PLPP2: variants seen among roughly 807,000 people sequenced by gnomAD.
The protein encoded by PLPP2 is phospholipid phosphatase 2, also known as PAP2-gamma.
A neutral mutation model predicts 35.2 loss-of-function variants in PLPP2; 29 were observed. That is an observed-to-expected ratio of 0.82 (90% CI 0.61 to 1.12). The LOEUF is 1.12. PLPP2 is among the 50% of genes most tolerant of loss of function. PLPP2 has a pLI of 0.00. For missense variants in PLPP2, 353 were observed against 375.2 expected (o/e 0.94, Z 0.49); for synonymous variants, 162 against 167.0 (o/e 0.97, Z 0.23).
In PLPP2 at chr19:287,007, T is replaced by A. The variant is rs1970280979; in HGVS notation, c.482+467A>T. 1 of 156,674 alleles carries A rather than the reference T, an allele frequency of 6.4e-6. No individual in the cohort carries two copies. The allele number at this position is 156,674 out of a possible 1,614,324, so 9.7% of individuals were successfully genotyped here. On this transcript the variant is annotated intron_variant, in intron 3 of 5. Transcript: ENST00000434325. This position sits in a 1 kb window ranked among gnomAD's most constrained non-coding sequence, Gnocchi z 4.3. ...ATACATTAAGAAACATGGCCCAATT[T>A]CATGCTAGGTATAAGACACTTACTT...
intron 3 of PLPP2, chr19:283,192 C>T (rs1420528816): frequency 5.5e-6 from 1 of 180,384 alleles, no homozygotes; most frequent in African/African-American, 2.4e-5. Context: ...TGAAGGACAT[C>T]AAGAAAATAG....
At position 291,096 on chromosome 19, in the gene PLPP2, G is replaced by T. The variant is rs1412751542; in HGVS notation, c.52+189C>A. On this transcript the variant is annotated intron_variant, in intron 1 of 5. Transcript: ENST00000434325. ...CTGGGCCTGGGACGCGGGGACCCCCGAGCCTGGGAGGGCGCGCGCAGTGCG... is the reference window on the plus strand; with the variant it reads ...CTGGGCCTGGGACGCGGGGACCCCCTAGCCTGGGAGGGCGCGCGCAGTGCG... The T allele has an allele frequency of 4.5e-6, 6 of 1,336,710 alleles. No homozygotes were observed. In the South Asian group the frequency reaches 5.8e-5, roughly 13 times the overall value. 82.8% of individuals were successfully genotyped at this position (1,336,710 alleles called of 1,614,324 possible).
chr19:281,600 T>A, intron 5 of PLPP2, 63 bp from the exon 6 acceptor site: 19 of 1,359,510 alleles, frequency 1.4e-5, no homozygotes, highest in Non-Finnish European at 1.8e-5. Flanking sequence ...GACATGGGCA[T>A]GAGCAGGAGG....
chr19:282,882 G>T lies in PLPP2; in HGVS notation c.483-73C>A, dbSNP rs565662258. The T allele has an allele frequency of 4.9e-6, 7 of 1,424,362 alleles. No homozygotes were observed. The East Asian group carries it at 1.6e-4, about 33-fold the overall frequency. The allele number at this position is 1,424,362 out of a possible 1,614,324, so 88.2% of individuals were successfully genotyped here. Reference sequence around the variant, plus strand: ...CCCCCTTGTCCCCGCCCCGCCCACAGAAGGGAGGGCTCGACACGGAGGCTG... The same window carrying T: ...CCCCCTTGTCCCCGCCCCGCCCACATAAGGGAGGGCTCGACACGGAGGCTG... On this transcript the variant is annotated intron_variant, in intron 3 of 5. Coordinates refer to ENST00000434325, the MANE Select transcript of PLPP2 (RefSeq NM_003712.4).
intron 1 of PLPP2, among the ~76,000 whole-genome samples, chr19:289,512 G>A (rs868188539): frequency 6.6e-5 from 10 of 151,750 alleles, no homozygotes; most frequent in Middle Eastern, 6.8e-3. Flanking sequence ...TCAGGAGATC[G>A]AGACCATCCT....
chr19:288,113 G>A lies in PLPP2; in HGVS notation c.111C>T (p.Tyr37=), dbSNP rs558063234. Residue 37 remains tyrosine (Y), a synonymous_variant, in exon 2 of 6, where the codon TAC becomes TAT. Transcript: ENST00000434325. The part of the protein sequence containing the change: ...LVNAPYKRGF[Y]CGDDSIRYPY... ...GGTACCGGATGGAGTCATCCCCGCA[G>A]TAAAATCCTCGCTTGTACGGGGCGT... The A allele has an allele frequency of 5.0e-6, 8 of 1,612,992 alleles. No individual in the cohort carries two copies. In the South Asian group the frequency reaches 6.6e-5, roughly 13 times the overall value.
At chr19:289,556 A>C (rs922688767) in intron 1 of PLPP2, among the ~76,000 whole-genome samples, 1 of 152,050 alleles carries the variant, frequency 6.6e-6, no homozygotes, top group Non-Finnish European at 1.5e-5. Context: ...TCTACTAAAA[A>C]TACAAAAATT....
chr19:290,656 G>A (rs1410440257), intron 1 of PLPP2, among the ~76,000 whole-genome samples: 2 of 152,196 alleles, frequency 1.3e-5, no homozygotes, highest in Admixed American at 6.5e-5. Context: ...CGCCAGTGTG[G>A]CCCGCAAACC....
At chr19:283,079 G>A in intron 3 of PLPP2, 1 of 430,316 alleles carries the variant, frequency 2.3e-6, no homozygotes, top group Non-Finnish European at 4.1e-6. Flanking sequence ...TGTCTGGCAA[G>A]CAGGCAACAC....
In PLPP2 at chr19:281,328, A is replaced by G; in HGVS notation, c.*60T>C. The stretch of plus-strand genomic sequence containing the variant: ...TCAGTGCCTAACCAGGGCTGGAGGG[A>G]CCACCTGGGTGGGCCTCAGCTGGAC... On this transcript the variant is annotated 3_prime_UTR_variant, in exon 6 of 6. Transcript: ENST00000434325. 1 of 1,331,300 alleles carries G rather than the reference A, an allele frequency of 7.5e-7. No homozygotes were observed. Among genetic ancestry groups the G allele is most frequent in the South Asian group, 2.4e-5 (1 of 41,354 alleles). The allele number at this position is 1,331,300 out of a possible 1,614,324, so 82.5% of individuals were successfully genotyped here. A position where few individuals can be genotyped will look rare whatever the true frequency, so the allele number is the denominator to read the frequency against.
chr19:284,646 T>A (rs976118272), intron 3 of PLPP2: 1 of 152,132 alleles, frequency 6.6e-6, no homozygotes, highest in Non-Finnish European at 1.5e-5. Flanking sequence ...AAATACTATG[T>A]TCAAAGAGCC....
In PLPP2 at chr19:287,893, G is replaced by T; in HGVS notation, c.204+127C>A. 6.6e-7 allele frequency: 1 copy of T among 1,509,986 alleles called. No homozygotes were observed. The highest frequency in any genetic ancestry group is 8.9e-7 in the Non-Finnish European group (1 of 1,117,812). The allele number at this position is 1,509,986 out of a possible 1,614,324, so 93.5% of individuals were successfully genotyped here. ...TACCCACAGGTACCACTCAGGGCAAGGCTGTGTCCCCCGGCCCCACACAGA... is the reference window on the plus strand; with the variant it reads ...TACCCACAGGTACCACTCAGGGCAATGCTGTGTCCCCCGGCCCCACACAGA... On this transcript the variant is annotated intron_variant, in intron 2 of 5. Coordinates refer to ENST00000434325, the MANE Select transcript of PLPP2 (RefSeq NM_003712.4). This position sits in a 1 kb window ranked among gnomAD's most constrained non-coding sequence, Gnocchi z 4.3.
Position 282,187 on chromosome 19 carries a change from A to C in PLPP2, c.664T>G (p.Trp222Gly), listed in dbSNP as rs1001186568. Reference protein sequence around the residue: ...YTRVSDYKHHWSDVLVGLLQG... With the variant: ...YTRVSDYKHHGSDVLVGLLQG... ...AGGAGGCCAACAAGGACATCGCTCC[A>C]GTGGTGTTTGTAATCAGACACGCGG... Residue 222 changes from tryptophan to glycine, a missense_variant, in exon 5 of 6, where the codon TGG becomes GGG. By Grantham distance (184) the Trp-to-Gly change is radical. Transcript: ENST00000434325. The C allele has an allele frequency of 1.2e-6, 2 of 1,613,864 alleles. No homozygotes were observed. Among genetic ancestry groups the C allele is most frequent in the Admixed American group, 3.3e-5 (2 of 60,000 alleles).
intron 3 of PLPP2, chr19:284,248 G>C (rs1236409146): frequency 6.6e-6 from 1 of 152,134 alleles, no homozygotes; most frequent in Non-Finnish European, 1.5e-5. Flanking sequence ...CAGCTACTTG[G>C]GAGGCTGAGG....
Position 281,161 on chromosome 19 carries a change from G to T in PLPP2, c.*227C>A. ...CCCATAAAAAGAAGGGGATATTTGG[G>T]GACCGACGGGAACAGGTTCCCCTCC... On this transcript the variant is annotated 3_prime_UTR_variant, in exon 6 of 6. Coordinates refer to ENST00000434325, the MANE Select transcript of PLPP2 (RefSeq NM_003712.4). 2.5e-6 allele frequency: 1 copy of T among 394,770 alleles called. No individual in the cohort carries two copies. The highest frequency in any genetic ancestry group is 1.4e-4 in the South Asian group (1 of 7,078). The allele number at this position is 394,770 out of a possible 1,614,324, so 24.5% of individuals were successfully genotyped here. A position where few individuals can be genotyped will look rare whatever the true frequency, so the allele number is the denominator to read the frequency against.
chr19:281,938 G>A (rs540981415), intron 5 of PLPP2, 196 bp downstream of exon 5: 4 of 630,036 alleles, frequency 6.3e-6, no homozygotes, highest in South Asian at 3.9e-5. Flanking sequence ...GGGGAGAAGG[G>A]GTCCAGGGGA....
intron 1 of PLPP2, chr19:290,943 G>A (rs1323794890): frequency 8.1e-7 from 1 of 1,232,416 alleles, no homozygotes; most frequent in African/African-American, 1.6e-5. Flanking sequence ...CCGGGCCCGC[G>A]TGACTCACCT....
intron 1 of PLPP2, among the ~76,000 whole-genome samples, chr19:290,224 C>G (rs1056379584): frequency 2.2e-4 from 34 of 152,138 alleles, no homozygotes; most frequent in African/African-American, 7.2e-4. Flanking sequence ...AACAGCCAAC[C>G]CCATCTCGGC....
intron 3 of PLPP2, chr19:283,056 G>C: frequency 2.1e-6 from 1 of 474,926 alleles, no homozygotes; most frequent in East Asian, 3.4e-5. Flanking sequence ...CCAAAACCCA[G>C]GGCAGACAAT....
Sources: gnomAD v4.1 joint callset for allele counts (sites outside exome capture counted in the v4.1 genomes callset) on GRCh38, gnomAD v4.1.1 for gene constraint, Gnocchi (gnomAD v3.1) non-coding constraint, MANE v1.5 for transcripts, NCBI Gene and HGNC (gene_info 2026-07-23, HGNC 2026-07-21) for gene names.